Variants in FZD4 observed in about 807,000 individuals in gnomAD.
FZD4 encodes frizzled-4.
FZD4 carries 16 observed loss-of-function variants against 37.3 expected under a neutral mutation model. That is an observed-to-expected ratio of 0.43 (90% CI 0.29 to 0.65). The LOEUF is 0.65. Ranked by LOEUF, FZD4 falls within the 30% of genes least tolerant of loss-of-function variation. FZD4 has a pLI of 0.16. For missense variants in FZD4, 599 were observed against 674.3 expected (o/e 0.89, Z 1.24); for synonymous variants, 246 against 254.8 (o/e 0.97, Z 0.33).
chr11:86,951,364 A>C lies in FZD4; in HGVS notation c.1392T>G (p.Leu464=), dbSNP rs755666283. Residue 464 remains leucine, a synonymous_variant, in exon 2 of 2, where the codon CTT becomes CTG. Coordinates refer to ENST00000531380, the MANE Select transcript of FZD4 (RefSeq NM_012193.4). ...TGGAATCATCTGCAGAATACCGAAA[A>C]AGTGCCCAGTTGGAGATTTCATAAA... ...CYFYEISNWA[L]FRYSADDSNM... 66 of 1,614,064 alleles carry C rather than the reference A, an allele frequency of 4.1e-5. No homozygotes were observed. The highest frequency in any genetic ancestry group is 5.6e-5 in the Non-Finnish European group (66 of 1,179,888).
Position 86,955,180 on chromosome 11 carries a change from G to C in FZD4, c.-95C>G, listed in dbSNP as rs982502999. 2.0e-6 allele frequency: 2 copies of C among 1,017,752 alleles called. No homozygotes were observed. Among genetic ancestry groups the C allele is most frequent in the Non-Finnish European group, 2.7e-6 (2 of 747,466 alleles). The allele number at this position is 1,017,752 out of a possible 1,614,324, so 63.0% of individuals were successfully genotyped here. Reference sequence around the variant, plus strand: ...GCGCCGGCTGCCCGCGCTGCTCCCAGCTCCCGGGACGGGAGTGTGATGCGG... The same window carrying C: ...GCGCCGGCTGCCCGCGCTGCTCCCACCTCCCGGGACGGGAGTGTGATGCGG... On this transcript the variant is annotated 5_prime_UTR_variant, in exon 1 of 2. Transcript: ENST00000531380.
At chr11:86,953,777 C>T (rs548042559) in intron 1 of FZD4, among the ~76,000 whole-genome samples, 3 of 152,246 alleles carry the variant, frequency 2.0e-5, no homozygotes, top group Middle Eastern at 3.4e-3. Flanking sequence ...CCACCACGCC[C>T]GGCTAATTTT....
chr11:86,951,971 T>C lies in FZD4; in HGVS notation c.785A>G (p.Tyr262Cys), dbSNP rs770144336. The change falls in exon 2 of 2, where the codon TAT becomes TGT. Residue 262 changes from tyrosine (Y) to cysteine (C), a missense_variant. By Grantham distance (194) the Tyr-to-Cys change is radical. Transcript: ENST00000531380. ...AATATAAGCAATGCTATAAATATTA[T>C]AGCACATACTGAGAAATATGATGGG... The part of the protein sequence containing the change: ...ERPIIFLSMC[Y>C]NIYSIAYIVR... The C allele has an allele frequency of 1.2e-6, 2 of 1,614,078 alleles. No individual in the cohort carries two copies. Among genetic ancestry groups the C allele is most frequent in the Non-Finnish European group, 8.5e-7 (1 of 1,179,990 alleles).
intron 1 of FZD4, chr11:86,952,748 C>CTGCAACATCAAAAAACCAATGATTTTG: frequency 3.4e-6 from 1 of 297,778 alleles, no homozygotes; most frequent in Admixed American, 4.6e-5. Context: ...TTGCATAAGC[C>CTGCAACATCAAAAAACCAATGATTTTG]CTCTTTGCAC....
At chr11:86,952,755 GCACAA>G (rs1165905971) in intron 1 of FZD4, 2 of 258,970 alleles carry the variant, frequency 7.7e-6, no homozygotes, top group South Asian at 8.3e-5. Flanking sequence ...AGCCCTCTTT[GCACAA>G]CACTTGAAAT....
chr11:86,952,521 T>C (rs1204603620), intron 1 of FZD4, 51 bp from the exon 2 acceptor site: 2 of 1,592,994 alleles, frequency 1.3e-6, no homozygotes, highest in Non-Finnish European at 1.7e-6. Flanking sequence ...GACTTGGAAG[T>C]TTGACCAAAT....
Position 86,947,354 on chromosome 11 carries a change from C to A in FZD4, c.*3788G>T, listed in dbSNP as rs1259628983. On this transcript the variant is annotated 3_prime_UTR_variant, in exon 2 of 2. Coordinates refer to ENST00000531380, the MANE Select transcript of FZD4 (RefSeq NM_012193.4). ...ACCTGGTGAAATCCCTGAGTCTATT[C>A]CTCTAGGGCTGAGACTGTTGAGCTC... The A allele has an allele frequency of 1.3e-5, 2 of 152,850 alleles. No homozygotes were observed. Among genetic ancestry groups the A allele is most frequent in the Admixed American group, 1.3e-4 (2 of 15,338 alleles). 9.5% of individuals were successfully genotyped at this position (152,850 alleles called of 1,614,324 possible).
At position 86,951,291 on chromosome 11, in the gene FZD4, T is replaced by C. The variant is rs1565396852; in HGVS notation, c.1465A>G (p.Ile489Val). ...GACCAAATCCACATGCCTGAAGTGA[T>C]GCCCACCAACAAAGACATAAAAATT... ...LKIFMSLLVG[I>V]TSGMWIWSAK... The change falls in exon 2 of 2, where the codon ATC (isoleucine) becomes GTC (valine). Residue 489 changes from isoleucine to valine, a missense_variant. Ile to Val is a conservative substitution (Grantham distance 29). Around this residue, in one of 3 missense-constraint regions of FZD4, gnomAD observed 203 missense variants for 196.8 expected, o/e 1.03. Coordinates refer to ENST00000531380, the MANE Select transcript of FZD4 (RefSeq NM_012193.4). 1.9e-6 allele frequency: 3 copies of C among 1,614,204 alleles called. No individual in the cohort carries two copies. Among genetic ancestry groups the C allele is most frequent in the Non-Finnish European group, 2.5e-6 (3 of 1,180,024 alleles).
In FZD4 at chr11:86,955,087, G is replaced by A; in HGVS notation, c.-2C>T. The stretch of plus-strand genomic sequence containing the variant: ...CGGCCCTGCGCCCCGCCAGGCCATG[G>A]CCAGCATCGGGGGTAGCAGCGGCAG... On this transcript the variant is annotated 5_prime_UTR_variant, in exon 1 of 2. Transcript: ENST00000531380. 1 of 1,521,544 alleles carries A rather than the reference G, an allele frequency of 6.6e-7. No homozygotes were observed. Among genetic ancestry groups the A allele is most frequent in the East Asian group, 2.3e-5 (1 of 42,640 alleles). The allele number at this position is 1,521,544 out of a possible 1,614,324, so 94.3% of individuals were successfully genotyped here. A position where few individuals can be genotyped will look rare whatever the true frequency, so the allele number is the denominator to read the frequency against.
rs1439395044 is a variant in FZD4 at position 86,948,380 on chromosome 11, A to G, written c.*2762T>C. On this transcript the variant is annotated 3_prime_UTR_variant, in exon 2 of 2. Coordinates refer to ENST00000531380, the MANE Select transcript of FZD4 (RefSeq NM_012193.4). ...GGCTTTACTACAGTCGGCACTCAAT[A>G]AATAAAATAACTGATTTTTTTAACA... is the stretch of plus-strand genomic sequence containing the variant. 1 of 152,128 alleles carries G rather than the reference A, an allele frequency of 6.6e-6. No individual in the cohort carries two copies. The highest frequency in any genetic ancestry group is 1.5e-5 in the Non-Finnish European group (1 of 68,014). The allele number at this position is 152,128 out of a possible 1,614,324, so 9.4% of individuals were successfully genotyped here.
rs1312982342 is a variant in FZD4 at position 86,949,961 on chromosome 11, G to A, written c.*1181C>T. The A allele has an allele frequency of 3.9e-5, 6 of 152,430 alleles. No homozygotes were observed. The highest frequency in any genetic ancestry group is 1.4e-4 in the African/African-American group (6 of 41,456). 9.4% of individuals were successfully genotyped at this position (152,430 alleles called of 1,614,324 possible). A position where few individuals can be genotyped will look rare whatever the true frequency, so the allele number is the denominator to read the frequency against. ...GAAAAAGTCTCCATTGTCCTAAGTA[G>A]ACCAGATTCTGATAACATTCTTATG... On this transcript the variant is annotated 3_prime_UTR_variant, in exon 2 of 2. Transcript: ENST00000531380.
In FZD4 at chr11:86,952,067, C is replaced by T; in HGVS notation, c.689G>A (p.Cys230Tyr). Residue 230 changes from cysteine (C) to tyrosine (Y), a missense_variant, in exon 2 of 2, where the codon TGT (cysteine) becomes TAT (tyrosine). Around this residue, in one of 3 missense-constraint regions of FZD4, gnomAD observed 357 missense variants for 396.1 expected, o/e 0.90. Transcript: ENST00000531380. The part of the protein sequence containing the change: ...DIWMAVWASL[C>Y]FISTAFTVLT... ...TACTGTGAAGGCAGTGGAGATGAAA[C>T]ACAGGCTGGCCCACACAGCCATCCA... 1 of 1,614,080 alleles carries T rather than the reference C, an allele frequency of 6.2e-7. No individual in the cohort carries two copies. Among genetic ancestry groups the T allele is most frequent in the Non-Finnish European group, 8.5e-7 (1 of 1,179,972 alleles).
At position 86,950,795 on chromosome 11, in the gene FZD4, A is replaced by G. The variant is rs935159482; in HGVS notation, c.*347T>C. 1 of 356,382 alleles carries G rather than the reference A, an allele frequency of 2.8e-6. No homozygotes were observed. The highest frequency in any genetic ancestry group is 2.1e-5 in the African/African-American group (1 of 48,496). The allele number at this position is 356,382 out of a possible 1,614,324, so 22.1% of individuals were successfully genotyped here. A position where few individuals can be genotyped will look rare whatever the true frequency, so the allele number is the denominator to read the frequency against. ...CTGCTAGTTACCAACTCACAGCTCA[A>G]ATCCCACCCTGCAGGGGAAAACAGT... is the stretch of plus-strand genomic sequence containing the variant. On this transcript the variant is annotated 3_prime_UTR_variant, in exon 2 of 2. Transcript: ENST00000531380.
At position 86,950,896 on chromosome 11, in the gene FZD4, T is replaced by G. The variant is rs1949284697; in HGVS notation, c.*246A>C. The G allele has an allele frequency of 1.7e-6, 1 of 574,248 alleles. No individual in the cohort carries two copies. Among genetic ancestry groups the G allele is most frequent in the South Asian group, 2.0e-5 (1 of 49,440 alleles). The allele number at this position is 574,248 out of a possible 1,614,324, so 35.6% of individuals were successfully genotyped here. ...CAACCTGCTAAAGTGATCAACGTTT[T>G]GATTTTTCACAGCTTTGAAAGCCTC... On this transcript the variant is annotated 3_prime_UTR_variant, in exon 2 of 2. Coordinates refer to ENST00000531380, the MANE Select transcript of FZD4 (RefSeq NM_012193.4).
Position 86,954,981 on chromosome 11 carries a change from C to G in FZD4, c.105G>C (p.Arg35=), listed in dbSNP as rs1565398576. The part of the protein sequence containing the change: ...LQLLLLLGPA[R]GFGDEEERRC... ...GCCGCTCTTCCTCGTCCCCGAAGCC[C>G]CGCGCCGGCCCCAGGAGCAGCAGCA... Residue 35 remains arginine (R), a synonymous_variant, in exon 1 of 2, where the codon CGG becomes CGC. Transcript: ENST00000531380. 15 of 1,613,036 alleles carry G rather than the reference C, an allele frequency of 9.3e-6. No homozygotes were observed. Among genetic ancestry groups the G allele is most frequent in the Non-Finnish European group, 1.3e-5 (15 of 1,179,806 alleles).
chr11:86,948,229 G>C lies in FZD4; in HGVS notation c.*2913C>G, dbSNP rs1031871214. Reference sequence around the variant, plus strand: ...CACACAGGAAGAGATTTATGGAATGGAGACAGTGAAACAGATGGGAATTCC... The same window carrying C: ...CACACAGGAAGAGATTTATGGAATGCAGACAGTGAAACAGATGGGAATTCC... On this transcript the variant is annotated 3_prime_UTR_variant, in exon 2 of 2. Transcript: ENST00000531380. 6.6e-6 allele frequency: 1 copy of C among 152,134 alleles called. No homozygotes were observed. The highest frequency in any genetic ancestry group is 2.4e-5 in the African/African-American group (1 of 41,402). The allele number at this position is 152,134 out of a possible 1,614,324, so 9.4% of individuals were successfully genotyped here.
Position 86,951,424 on chromosome 11 carries a change from G to A in FZD4, c.1332C>T (p.Tyr444=). 6.2e-7 allele frequency: 1 copy of A among 1,613,202 alleles called. No homozygotes were observed. Among genetic ancestry groups the A allele is most frequent in the Non-Finnish European group, 8.5e-7 (1 of 1,179,086 alleles). The change falls in exon 2 of 2, where the codon TAC becomes TAT. Residue 444 remains tyrosine (Y), a synonymous_variant. Coordinates refer to ENST00000531380, the MANE Select transcript of FZD4 (RefSeq NM_012193.4). ...CAATCACACACGTTGCAGGAACTGT[G>A]TACAGTACTGAGAACACCCCAATCT... ...MVKIGVFSVL[Y]TVPATCVIAC...
chr11:86,948,603 CAA>C lies in FZD4; in HGVS notation c.*2537_*2538del, dbSNP rs1430348902. 1.3e-5 allele frequency: 2 copies of C among 152,182 alleles called. No homozygotes were observed. Among genetic ancestry groups the C allele is most frequent in the African/African-American group, 4.8e-5 (2 of 41,452 alleles). The allele number at this position is 152,182 out of a possible 1,614,324, so 9.4% of individuals were successfully genotyped here. ...TCAAATACACTTTGCCCTGAAAAGG[CAA>C]GAGATTTGTGGAAAAGGCATGTCAA... On this transcript the variant is annotated 3_prime_UTR_variant, in exon 2 of 2. Transcript: ENST00000531380.
chr11:86,954,758 C>A (rs781239165), intron 1 of FZD4, 43 bp downstream of exon 1: 8 of 1,559,216 alleles, frequency 5.1e-6, no homozygotes, highest in Non-Finnish European at 3.5e-6. Flanking sequence ...TGGAGCGTCC[C>A]TCCCCAAGGG....
Sources: allele counts gnomAD v4.1 joint callset (sites outside exome capture counted in the v4.1 genomes callset), GRCh38; gene constraint gnomAD v4.1.1; regional missense constraint gnomAD v4.1.1; transcripts MANE v1.5; gene names NCBI Gene and HGNC (gene_info 2026-07-23, HGNC 2026-07-21).